Variants in PCCA observed in about 807,000 individuals in gnomAD.
PCCA encodes the protein propionyl-CoA carboxylase alpha chain, mitochondrial.
A neutral mutation model predicts 101.3 loss-of-function variants in PCCA; 74 were observed. The ratio of observed to expected loss-of-function variants is 0.73; its 90% CI spans 0.61 to 0.89. The LOEUF (loss-of-function observed/expected upper bound fraction) is 0.89. PCCA is among the 40% of genes least tolerant of loss of function. The pLI is 0.00. For missense variants in PCCA, 891 were observed against 907.0 expected (o/e 0.98, Z 0.23); for synonymous variants, 294 against 313.6 (o/e 0.94, Z 0.66).
rs568475300 is a variant in PCCA, at chr13:100,446,382, T to C, written c.1846-2870T>C. Among the ~76,000 whole-genome samples the C allele has an allele frequency of 2.0e-5, 3 of 152,354 alleles. No individual in the cohort carries two copies. In the South Asian group the frequency reaches 6.2e-4, roughly 32 times the overall value. On this transcript the variant is annotated intron_variant, in intron 20 of 23. Transcript: ENST00000376285. ...AATGTCTGTCTTAACCTATCTAATG[T>C]CTTCCTTATTAACCTTTCTGCTCAT... is the stretch of plus-strand genomic sequence containing the variant.
Position 100,368,579 on chromosome 13 carries a change from G to C in PCCA, c.1746+5G>C, listed in dbSNP as rs1310796698. The C allele has an allele frequency of 6.5e-7, 1 of 1,547,440 alleles. No individual in the cohort carries two copies. On this transcript the variant is annotated splice_donor_5th_base_variant and intron_variant, in intron 19 of 23. Coordinates refer to ENST00000376285, the MANE Select transcript of PCCA (RefSeq NM_000282.4). ...AACAATGGGTCAGTGTTCTCGGTGA[G>C]TTTTCTTTCTTTATTTTCTTGGTAA...
chr13:100,234,892 A>AACACAC (rs370152898), intron 7 of PCCA, among the ~76,000 whole-genome samples: 8 of 95,318 alleles, frequency 8.4e-5, no homozygotes, highest in Non-Finnish European at 1.3e-4. Flanking sequence ...GAATTACACA[A>AACACAC]ACACACACAC....
rs1326593214 is a variant in PCCA at position 100,448,350 on chromosome 13, G to A, written c.1846-902G>A. On this transcript the variant is annotated intron_variant, in intron 20 of 23. Coordinates refer to ENST00000376285, the MANE Select transcript of PCCA (RefSeq NM_000282.4). ...TGGGACTACAGGTGTGCACCACCAC[G>A]CCTGGCTAATTTTTGTATTTTTAGT... 2.0e-5 allele frequency among the ~76,000 whole-genome samples: 3 copies of A among 152,010 alleles called. No homozygotes were observed. In the East Asian group the frequency reaches 5.8e-4, roughly 29 times the overall value.
intron 6 of PCCA, among the ~76,000 whole-genome samples, chr13:100,160,267 C>T (rs1376482847): frequency 6.6e-6 from 1 of 152,094 alleles, no homozygotes; most frequent in African/African-American, 2.4e-5. Context: ...CTTTGGGAGG[C>T]TGAGGTGGGC....
At chr13:100,418,542 C>G (rs1365699455) in intron 19 of PCCA, among the ~76,000 whole-genome samples, 1 of 152,142 alleles carries the variant, frequency 6.6e-6, no homozygotes, top group South Asian at 2.1e-4. Flanking sequence ...CAAGCTATAG[C>G]CTGCATGATC....
intron 21 of PCCA, among the ~76,000 whole-genome samples, chr13:100,461,622 C>T (rs2082170293): frequency 1.3e-5 from 2 of 152,126 alleles, no homozygotes; most frequent in South Asian, 2.1e-4. Flanking sequence ...CCTCTCTGTC[C>T]CATCCCTTTC....
At chr13:100,221,403 C>T (rs994514494) in intron 7 of PCCA, among the ~76,000 whole-genome samples, 8 of 152,054 alleles carry the variant, frequency 5.3e-5, no homozygotes, top group Admixed American at 3.9e-4. Context: ...TAGTGGGCTT[C>T]GAACATGTGT....
At position 100,491,776 on chromosome 13, in the gene PCCA, C is replaced by T. The variant is rs1290790543; in HGVS notation, c.1900-23651C>T. 42 of 1,174,946 alleles carry T rather than the reference C, an allele frequency of 3.6e-5. No homozygotes were observed. In the Admixed American group the frequency reaches 4.4e-4, roughly 12 times the overall value. 72.8% of individuals were successfully genotyped at this position (1,174,946 alleles called of 1,614,324 possible). ...TGTACAAGCTCTTTTGGATTTGTAACACTTTTATTTTAAATCTCCAATAAA... is the reference window on the plus strand; with the variant it reads ...TGTACAAGCTCTTTTGGATTTGTAATACTTTTATTTTAAATCTCCAATAAA... On this transcript the variant is annotated intron_variant, in intron 21 of 23. Coordinates refer to ENST00000376285, the MANE Select transcript of PCCA (RefSeq NM_000282.4).
Position 100,170,172 on chromosome 13 carries a change from CT to C in PCCA, c.468+12834del, listed in dbSNP as rs1213633195. ...TTTCATTGTGTTATGCTATTTTAAACTTACGGTAACTTCGTGATGTCTTAAA... is the reference window on the plus strand; with the variant it reads ...TTTCATTGTGTTATGCTATTTTAAACTACGGTAACTTCGTGATGTCTTAAA... On this transcript the variant is annotated intron_variant, in intron 6 of 23. Coordinates refer to ENST00000376285, the MANE Select transcript of PCCA (RefSeq NM_000282.4). 2.0e-5 allele frequency among the ~76,000 whole-genome samples: 3 copies of C among 152,204 alleles called. No individual in the cohort carries two copies. In the East Asian group the frequency reaches 5.8e-4, roughly 29 times the overall value.
intron 12 of PCCA, among the ~76,000 whole-genome samples, chr13:100,298,893 T>C (rs976815515): frequency 6.6e-5 from 10 of 151,818 alleles, no homozygotes; most frequent in Middle Eastern, 3.4e-3. Flanking sequence ...ATAAGATTTC[T>C]GGTAATAACA....
chr13:100,527,911 C>A (rs1288858848), intron 23 of PCCA, among the ~76,000 whole-genome samples, 159 bp downstream of exon 23: 1 of 152,212 alleles, frequency 6.6e-6, no homozygotes, highest in Non-Finnish European at 1.5e-5. Flanking sequence ...TGCCATTCTG[C>A]CCTGATGCAT....
At chr13:100,094,239 A>AG (rs1367090486) in intron 1 of PCCA, among the ~76,000 whole-genome samples, 1 of 151,700 alleles carries the variant, frequency 6.6e-6, no homozygotes, top group Non-Finnish European at 1.5e-5. Context: ...AAAAAAAAAA[A>AG]AAAAAAAAAA....
chr13:100,150,998 A>T, intron 4 of PCCA: 1 of 1,520,918 alleles, frequency 6.6e-7, no homozygotes, highest in South Asian at 1.1e-5. Context: ...GAGAGCAGAG[A>T]GCTGGCGGTA....
At chr13:100,524,983 G>GGATAGACA (rs2087643450) in intron 22 of PCCA, among the ~76,000 whole-genome samples, 1 of 137,174 alleles carries the variant, frequency 7.3e-6, no homozygotes, top group South Asian at 2.4e-4. Context: ...TCTCTAAGAT[G>GGATAGACA]GATAGATAGA....
At chr13:100,425,868 T>G (rs1343353195) in intron 20 of PCCA, 137 bp downstream of exon 20, 4 of 672,676 alleles carry the variant, frequency 5.9e-6, no homozygotes, top group African/African-American at 1.8e-5. Context: ...GTCGAAAACT[T>G]TTTCTTTTCT....
At chr13:100,513,084 C>T (rs895343377) in intron 21 of PCCA, among the ~76,000 whole-genome samples, 1 of 152,240 alleles carries the variant, frequency 6.6e-6, no homozygotes, top group Non-Finnish European at 1.5e-5. Flanking sequence ...TACGCTGCAC[C>T]CTGCTTGGGC....
In PCCA at chr13:100,443,718, A is replaced by T. The variant is rs115877885; in HGVS notation, c.1846-5534A>T. Among the ~76,000 whole-genome samples, 841 of 151,880 alleles carry T rather than the reference A, an allele frequency of 5.5e-3. 11 individuals are homozygous for T. The highest frequency in any genetic ancestry group is 0.019 in the African/African-American group (777 of 41,378). On this transcript the variant is annotated intron_variant, in intron 20 of 23. Coordinates refer to ENST00000376285, the MANE Select transcript of PCCA (RefSeq NM_000282.4). ...TTTGTGCAGAGTTGCAGGTAGCCAA[A>T]TTACTTTTTGTATTCCTGTGCCTTA...
chr13:100,195,676 A>T (rs2058060393), intron 6 of PCCA, among the ~76,000 whole-genome samples: 1 of 152,126 alleles, frequency 6.6e-6, no homozygotes, highest in Non-Finnish European at 1.5e-5. Context: ...AATCCTAGAA[A>T]CCTCTTTCTA....
intron 6 of PCCA, chr13:100,198,296 A>G (rs907468964): frequency 6.6e-6 from 1 of 152,248 alleles, no homozygotes; most frequent in African/African-American, 2.4e-5. Flanking sequence ...AGCAGCACTC[A>G]TGGCAATGGG....
Sources: gnomAD v4.1 joint callset for allele counts (sites outside exome capture counted in the v4.1 genomes callset) on GRCh38, gnomAD v4.1.1 for gene constraint, MANE v1.5 for transcripts, NCBI Gene and HGNC (gene_info 2026-07-23, HGNC 2026-07-21) for gene names.